PHF2: variants seen among roughly 807,000 people sequenced by gnomAD.
PHF2 encodes lysine-specific demethylase PHF2.
In PHF2, 27 loss-of-function variants were observed where a neutral mutation model predicts 120.5. The observed-to-expected ratio is 0.22, with a 90% CI of 0.17 to 0.31. The LOEUF is 0.31. Ranked by LOEUF, PHF2 falls within the 10% of genes least tolerant of loss-of-function variation. The pLI, the probability that PHF2 is intolerant of heterozygous loss-of-function variation, is 1.00. For synonymous variants in PHF2, 568 were observed against 592.5 expected (o/e 0.96, Z 0.60); for missense variants, 1,024 against 1,434.8 (o/e 0.71, Z 4.63).
intron 3 of PHF2, among the ~76,000 whole-genome samples, chr9:93,645,231 T>TGC (rs1826235581): frequency 1.3e-5 from 2 of 152,078 alleles, no homozygotes; most frequent in East Asian, 1.9e-4. Context: ...CGAGAAGGGG[T>TGC]ACAAGGGAGG....
chr9:93,670,201 C>T (rs984558839), intron 17 of PHF2, among the ~76,000 whole-genome samples: 17 of 152,222 alleles, frequency 1.1e-4, no homozygotes, highest in Admixed American at 7.8e-4. Context: ...GGACGGCAGG[C>T]ACCCCGTGTG....
intron 17 of PHF2, among the ~76,000 whole-genome samples, chr9:93,668,661 C>A (rs1326399071): frequency 6.6e-6 from 1 of 152,086 alleles, no homozygotes; most frequent in African/African-American, 2.4e-5. Flanking sequence ...TGTGAGGAGG[C>A]GCTGTGTCCT....
chr9:93,663,194 G>C (rs1192537707), intron 13 of PHF2, among the ~76,000 whole-genome samples, 168 bp downstream of exon 13: 1 of 152,144 alleles, frequency 6.6e-6, no homozygotes, highest in Non-Finnish European at 1.5e-5. Context: ...AGGTGTGTGT[G>C]ACCACCCATG....
intron 2 of PHF2, among the ~76,000 whole-genome samples, chr9:93,630,870 G>A (rs1207183702): frequency 6.6e-6 from 1 of 152,198 alleles, no homozygotes; most frequent in Non-Finnish European, 1.5e-5. Flanking sequence ...GGTCTTGGGT[G>A]CTCACAGAAT....
At chr9:93,642,469 CTGACAA>C (rs1211282727) in intron 3 of PHF2, among the ~76,000 whole-genome samples, 1 of 152,198 alleles carries the variant, frequency 6.6e-6, no homozygotes, top group Non-Finnish European at 1.5e-5. Context: ...ACTGTCTTGT[CTGACAA>C]TGACTGTCTT....
At position 93,677,015 on chromosome 9, in the gene PHF2, A is replaced by T. The variant is rs774243121; in HGVS notation, c.3202+52A>T. ...CAGCCCCCCTGCCCTGCCTGCCCCC[A>T]TGGGCAGCCCCAGACATGCAGACTC... On this transcript the variant is annotated intron_variant, in intron 21 of 21. Coordinates refer to ENST00000359246, the MANE Select transcript of PHF2 (RefSeq NM_005392.4). This position sits in a 1 kb window ranked among gnomAD's most constrained non-coding sequence, Gnocchi z 4.4. The T allele has an allele frequency of 2.7e-5, 39 of 1,458,138 alleles. No individual in the cohort carries two copies. Among genetic ancestry groups the T allele is most frequent in the Non-Finnish European group, 3.5e-5 (38 of 1,095,660 alleles). The allele number at this position is 1,458,138 out of a possible 1,614,324, so 90.3% of individuals were successfully genotyped here.
In PHF2 at chr9:93,601,388, C is replaced by T. The variant is rs180986708; in HGVS notation, c.98+24517C>T. Among the ~76,000 whole-genome samples the T allele has an allele frequency of 1.1e-4, 16 of 152,320 alleles. No homozygotes were observed. In the East Asian group the frequency reaches 3.1e-3, roughly 29 times the overall value. On this transcript the variant is annotated intron_variant, in intron 1 of 21. Coordinates refer to ENST00000359246, the MANE Select transcript of PHF2 (RefSeq NM_005392.4). ...TTCGGGCTTGAGAGGGAAGGAATGTCAGACACTACAGTGGTGCTAAGTTTG... is the reference window on the plus strand; with the variant it reads ...TTCGGGCTTGAGAGGGAAGGAATGTTAGACACTACAGTGGTGCTAAGTTTG...
At chr9:93,650,801 C>T (rs771191575) in intron 5 of PHF2, among the ~76,000 whole-genome samples, 3 of 152,324 alleles carry the variant, frequency 2.0e-5, no homozygotes, top group Non-Finnish European at 2.9e-5. Context: ...ACTCACTCAC[C>T]GTAAGGCGCG....
chr9:93,662,472 T>C (rs1826588484), intron 12 of PHF2, among the ~76,000 whole-genome samples: 1 of 149,586 alleles, frequency 6.7e-6, no homozygotes, highest in South Asian at 2.1e-4. Flanking sequence ...AATAAATGGA[T>C]GAGTGGATGG....
Position 93,645,613 on chromosome 9 carries a change from C to G in PHF2, c.300-16C>G. 1 of 1,564,368 alleles carries G rather than the reference C, an allele frequency of 6.4e-7. No individual in the cohort carries two copies. The highest frequency in any genetic ancestry group is 8.7e-7 in the Non-Finnish European group (1 of 1,150,500). The stretch of plus-strand genomic sequence containing the variant: ...CCTCGGGCCCAATGTGGCCTCTGAC[C>G]TGTGCTTCCCTGCAGTGCTGAAGAC... On this transcript the variant is annotated splice_polypyrimidine_tract_variant and intron_variant, in intron 3 of 21. Transcript: ENST00000359246.
intron 2 of PHF2, among the ~76,000 whole-genome samples, chr9:93,631,740 G>T (rs1246671504): frequency 6.6e-6 from 1 of 152,042 alleles, no homozygotes; most frequent in Non-Finnish European, 1.5e-5. Context: ...AGTAGGGTTG[G>T]AGCCAGGATA....
chr9:93,674,278 C>A (rs1826867179), intron 18 of PHF2, among the ~76,000 whole-genome samples: 1 of 152,042 alleles, frequency 6.6e-6, no homozygotes. Flanking sequence ...CACAGGGTCA[C>A]CGCCTCACCG....
chr9:93,651,009 T>A (rs1226405221), intron 5 of PHF2, among the ~76,000 whole-genome samples: 1 of 151,274 alleles, frequency 6.6e-6, no homozygotes, highest in African/African-American at 2.4e-5. Flanking sequence ...CCCAAGACTT[T>A]GGGAGGCTGA....
chr9:93,615,765 G>A (rs971611158), intron 1 of PHF2, among the ~76,000 whole-genome samples: 1 of 152,138 alleles, frequency 6.6e-6, no homozygotes, highest in African/African-American at 2.4e-5. Context: ...AGACACCTGG[G>A]GGACTCCAAA....
At chr9:93,653,946 C>G (rs182579760) in intron 6 of PHF2, among the ~76,000 whole-genome samples, 1 of 152,146 alleles carries the variant, frequency 6.6e-6, no homozygotes, top group African/African-American at 2.4e-5. Context: ...TTGAGCAAGT[C>G]ACTGGGGCAT....
intron 2 of PHF2, among the ~76,000 whole-genome samples, chr9:93,631,088 A>G (rs1291606105): frequency 6.6e-6 from 1 of 152,144 alleles, no homozygotes; most frequent in East Asian, 1.9e-4. Flanking sequence ...CTATGGAATC[A>G]GTAGGGGCAG....
chr9:93,607,207 A>G (rs2265573), intron 1 of PHF2, among the ~76,000 whole-genome samples: 124,941 of 152,030 alleles, frequency 0.82, 51,854 homozygotes, highest in East Asian at 0.94. Flanking sequence ...TTCTCCATGT[A>G]AACTTCAGAA....
intron 5 of PHF2, among the ~76,000 whole-genome samples, chr9:93,652,285 C>G (rs992317998): frequency 1.5e-5 from 2 of 137,530 alleles, no homozygotes; most frequent in African/African-American, 5.8e-5. Flanking sequence ...TGCTGTTGAG[C>G]TTGACTTTTT....
intron 1 of PHF2, among the ~76,000 whole-genome samples, chr9:93,577,197 G>C (rs959302667): frequency 1.2e-4 from 18 of 150,984 alleles, no homozygotes; most frequent in African/African-American, 4.3e-4. Context: ...CCGCCTGTCA[G>C]CTGGGTCGCG....
Sources: allele counts gnomAD v4.1 joint callset (sites outside exome capture counted in the v4.1 genomes callset), GRCh38; gene constraint gnomAD v4.1.1; non-coding constraint Gnocchi (gnomAD v3.1); transcripts MANE v1.5; gene names NCBI Gene and HGNC (gene_info 2026-07-23, HGNC 2026-07-21).